Variants in CNTN5 observed in about 807,000 individuals in gnomAD.
The protein encoded by CNTN5 is contactin 5.
CNTN5 carries 77 observed loss-of-function variants against 129.1 expected under a neutral mutation model. That is an observed-to-expected ratio of 0.60 (90% CI 0.50 to 0.72). CNTN5 has a LOEUF of 0.72. Ranked by LOEUF, CNTN5 falls within the 30% of genes least tolerant of loss-of-function variation. CNTN5 has a pLI of 0.00. For synonymous variants in CNTN5, 509 were observed against 465.6 expected (o/e 1.09, Z -1.20); for missense variants, 1,478 against 1,328.8 (o/e 1.11, Z -1.75).
intron 16 of CNTN5, among the ~76,000 whole-genome samples, chr11:100,230,372 A>G (rs1259618290): frequency 1.3e-5 from 2 of 152,180 alleles, no homozygotes; most frequent in African/African-American, 4.8e-5. Context: ...ATTGACACTT[A>G]TAAAATTTCT....
chr11:99,827,875 CAT>C (rs912850412), intron 4 of CNTN5, among the ~76,000 whole-genome samples: 10 of 152,104 alleles, frequency 6.6e-5, no homozygotes, highest in Non-Finnish European at 8.8e-5. Flanking sequence ...CGGTCAATAA[CAT>C]ATGTAGAATA....
chr11:100,160,646 C>A (rs1366590564), intron 13 of CNTN5, among the ~76,000 whole-genome samples: 7 of 151,874 alleles, frequency 4.6e-5, no homozygotes, highest in Admixed American at 3.3e-4. Flanking sequence ...AAAAGAGTTA[C>A]TTTGTGCACA....
chr11:99,291,616 C>T (rs1448895285), intron 1 of CNTN5, among the ~76,000 whole-genome samples: 1 of 151,914 alleles, frequency 6.6e-6, no homozygotes, highest in Non-Finnish European at 1.5e-5. Context: ...GATTATATAA[C>T]TTATAGCTAT....
chr11:100,295,093 A>G (rs1951074952), intron 18 of CNTN5, among the ~76,000 whole-genome samples: 1 of 151,576 alleles, frequency 6.6e-6, no homozygotes, highest in African/African-American at 2.4e-5. Flanking sequence ...AGTAGCTGTT[A>G]CTTATACACA....
intron 13 of CNTN5, among the ~76,000 whole-genome samples, chr11:100,112,009 A>G (rs905634595): frequency 1.3e-5 from 2 of 152,202 alleles, no homozygotes; most frequent in African/African-American, 4.8e-5. Context: ...AGTACTAGTC[A>G]TGAATCTTCA....
intron 7 of CNTN5, among the ~76,000 whole-genome samples, chr11:99,943,666 G>A (rs1173032088): frequency 1.3e-5 from 2 of 152,046 alleles, no homozygotes; most frequent in African/African-American, 4.8e-5. Flanking sequence ...TATGGTTTAA[G>A]GTTTTATGTT....
In CNTN5 at chr11:100,070,539, T is replaced by C. The variant is rs1253040325; in HGVS notation, c.1278T>C (p.Asn426=). Residue 426 remains asparagine, a synonymous_variant, in exon 11 of 25, where the codon AAT becomes AAC. Transcript: ENST00000524871. ...KPRPTYRWLK[N]GVPLSPQSRV... ...GACCCACGTATCGTTGGCTGAAGAA[T>C]GGAGTACCCCTCTCACCTCAGGTAC... The C allele has an allele frequency of 9.3e-6, 15 of 1,612,978 alleles. No individual in the cohort carries two copies. The highest frequency in any genetic ancestry group is 1.3e-5 in the Non-Finnish European group (15 of 1,179,440).
intron 1 of CNTN5, among the ~76,000 whole-genome samples, chr11:99,155,697 G>T (rs1311828538): frequency 6.6e-6 from 1 of 151,764 alleles, no homozygotes; most frequent in Admixed American, 6.6e-5. Context: ...CATATTGGTA[G>T]CAGGCAATAA....
In CNTN5 at chr11:99,344,270, T is replaced by G. The variant is rs116331116; in HGVS notation, c.-71+18786T>G. On this transcript the variant is annotated intron_variant, in intron 2 of 24. Coordinates refer to ENST00000524871, the MANE Select transcript of CNTN5 (RefSeq NM_014361.4). ...ATTTTCAAAAACCTTTTACCAGACA[T>G]ATTTTGGAGGAATTACCTTTCTCAT... Among the ~76,000 whole-genome samples, 453 of 152,268 alleles carry G rather than the reference T, an allele frequency of 3.0e-3. 2 individuals are homozygous for G. Among genetic ancestry groups the G allele is most frequent in the African/African-American group, 0.01 (430 of 41,554 alleles).
chr11:99,945,460 T>A (rs1205810797), intron 7 of CNTN5, among the ~76,000 whole-genome samples: 1 of 147,604 alleles, frequency 6.8e-6, no homozygotes, highest in Non-Finnish European at 1.5e-5. Flanking sequence ...GCATAGAAGG[T>A]AAACATAGCA....
At chr11:100,047,593 A>C (rs1324710060) in intron 9 of CNTN5, among the ~76,000 whole-genome samples, 2 of 152,220 alleles carry the variant, frequency 1.3e-5, no homozygotes, top group African/African-American at 4.8e-5. Context: ...GAAATGTTGG[A>C]ATAAACAAAG....
intron 13 of CNTN5, among the ~76,000 whole-genome samples, chr11:100,140,231 A>G (rs927394974): frequency 6.6e-6 from 1 of 152,212 alleles, no homozygotes. Context: ...GAATTTTAAA[A>G]GAAATATGCC....
intron 6 of CNTN5, among the ~76,000 whole-genome samples, chr11:99,870,896 AC>A (rs1416030507): frequency 6.6e-6 from 1 of 152,124 alleles, no homozygotes; most frequent in Non-Finnish European, 1.5e-5. Flanking sequence ...GCAATAACAT[AC>A]ATTGAAAGCG....
chr11:99,155,306 T>C (rs1164352291), intron 1 of CNTN5, among the ~76,000 whole-genome samples: 1 of 152,246 alleles, frequency 6.6e-6, no homozygotes, highest in East Asian at 1.9e-4. Flanking sequence ...TAGTTTCACT[T>C]TCAGTCTTAT....
chr11:99,472,764 G>A (rs918553319), intron 2 of CNTN5, among the ~76,000 whole-genome samples: 4 of 152,054 alleles, frequency 2.6e-5, no homozygotes, highest in East Asian at 3.9e-4. Flanking sequence ...TACCTCCTGA[G>A]TTCAAGCGAT....
At chr11:100,236,589 T>C (rs777151638) in intron 16 of CNTN5, among the ~76,000 whole-genome samples, 2 of 152,174 alleles carry the variant, frequency 1.3e-5, no homozygotes, top group Non-Finnish European at 2.9e-5. Context: ...TTTCTCCCAT[T>C]TCACTTTAGG....
Position 99,741,390 on chromosome 11 carries a change from T to G in CNTN5, c.56-78154T>G, listed in dbSNP as rs553502833. 8.4e-4 allele frequency among the ~76,000 whole-genome samples: 128 copies of G among 152,294 alleles called. 1 individual carries two copies. Among genetic ancestry groups the G allele is most frequent in the Middle Eastern group, 3.4e-3 (1 of 294 alleles). On this transcript the variant is annotated intron_variant, in intron 3 of 24. Coordinates refer to ENST00000524871, the MANE Select transcript of CNTN5 (RefSeq NM_014361.4). ...GATTCAGTATGTTACTAACACCTCCTGTCTCATAATCTATTTAGTGTGCCT... is the reference window on the plus strand; with the variant it reads ...GATTCAGTATGTTACTAACACCTCCGGTCTCATAATCTATTTAGTGTGCCT...
At chr11:100,026,789 G>A (rs1385208300) in intron 9 of CNTN5, among the ~76,000 whole-genome samples, 1 of 152,026 alleles carries the variant, frequency 6.6e-6, no homozygotes, top group Non-Finnish European at 1.5e-5. Flanking sequence ...TCTTTTATCA[G>A]ATGTCTTTGC....
intron 8 of CNTN5, among the ~76,000 whole-genome samples, chr11:99,975,627 G>A (rs968511409): frequency 1.3e-5 from 2 of 151,036 alleles, no homozygotes; most frequent in Non-Finnish European, 2.9e-5. Flanking sequence ...CATATCTTAC[G>A]TGGCAGCAGG....
Sources: gnomAD v4.1 joint callset for allele counts (sites outside exome capture counted in the v4.1 genomes callset) on GRCh38, gnomAD v4.1.1 for gene constraint, MANE v1.5 for transcripts, NCBI Gene and HGNC (gene_info 2026-07-23, HGNC 2026-07-21) for gene names.